Variants in DENND1B observed in about 807,000 individuals in gnomAD.
DENND1B encodes DENN domain containing 1B.
A neutral mutation model predicts 90.1 loss-of-function variants in DENND1B; 59 were observed. The ratio of observed to expected loss-of-function variants is 0.65; its 90% CI spans 0.53 to 0.81. The LOEUF (loss-of-function observed/expected upper bound fraction) is 0.81. Among genes scored for constraint, DENND1B ranks in the 40% least tolerant of loss-of-function variants. DENND1B has a pLI of 0.00. For synonymous variants in DENND1B, 337 were observed against 324.6 expected, an observed-to-expected ratio of 1.04 and a Z score of -0.41; for missense variants, 862 against 912.6, an observed-to-expected ratio of 0.94 and a Z score of 0.71.
chr1:197,606,063 T>A (rs1676650174), intron 13 of DENND1B: 1 of 151,184 alleles, frequency 6.6e-6, no homozygotes, highest in Non-Finnish European at 1.5e-5. Flanking sequence ...ATAAATGCTT[T>A]GTTTTTTTAA....
intron 3 of DENND1B, among the ~76,000 whole-genome samples, chr1:197,676,997 G>T (rs1656148016): frequency 1.3e-5 from 2 of 151,596 alleles, no homozygotes; most frequent in African/African-American, 4.9e-5. Flanking sequence ...ATTTAAGAAA[G>T]AATTTACTTC....
chr1:197,504,856 G>A lies in DENND1B; in HGVS notation c.*5604C>T, dbSNP rs765661863. 6.6e-6 allele frequency: 1 copy of A among 151,648 alleles called. No individual in the cohort carries two copies. The highest frequency in any genetic ancestry group is 1.5e-5 in the Non-Finnish European group (1 of 67,814). The allele number at this position is 151,648 out of a possible 1,614,324, so 9.4% of individuals were successfully genotyped here. A position where few individuals can be genotyped will look rare whatever the true frequency, so the allele number is the denominator to read the frequency against. ...ATATTTTTAAAAAAATTCCCAAAGC[G>A]ATGCTTTTATACACATCTTCCCAAT... On this transcript the variant is annotated 3_prime_UTR_variant, in exon 23 of 23. Transcript: ENST00000620048.
chr1:197,521,614 G>A (rs1211159838), intron 20 of DENND1B, among the ~76,000 whole-genome samples: 1 of 151,424 alleles, frequency 6.6e-6, no homozygotes, highest in Non-Finnish European at 1.5e-5. Flanking sequence ...TGCAGCCTAA[G>A]AAAAAAATAC....
intron 10 of DENND1B, among the ~76,000 whole-genome samples, chr1:197,633,416 C>T (rs1393811957): frequency 2.0e-5 from 3 of 152,122 alleles, no homozygotes; most frequent in Non-Finnish European, 4.4e-5. Flanking sequence ...TTCCTTTTAG[C>T]AACTGGCATG....
chr1:197,751,770 G>C (rs1653549472), intron 2 of DENND1B, among the ~76,000 whole-genome samples: 1 of 151,902 alleles, frequency 6.6e-6, no homozygotes. Context: ...CTTGAACCCA[G>C]GAGGCGGAGG....
chr1:197,669,420 C>G (rs963394293), intron 5 of DENND1B, among the ~76,000 whole-genome samples: 1 of 152,044 alleles, frequency 6.6e-6, no homozygotes, highest in South Asian at 2.1e-4. Flanking sequence ...AATTCCTTTC[C>G]AGGGGATACA....
In DENND1B at chr1:197,633,222, T is replaced by G. The variant is rs181155582; in HGVS notation, c.672+9489A>C. 8.4e-3 allele frequency among the ~76,000 whole-genome samples: 1,278 copies of G among 152,274 alleles called. 19 individuals carry two copies. The highest frequency in any genetic ancestry group is 0.028 in the African/African-American group (1,174 of 41,546). On this transcript the variant is annotated intron_variant, in intron 10 of 22. Transcript: ENST00000620048. ...ACATTTGTAAAAAATGATAGTTGTA[T>G]GTTATTAGGTAGAAATATAGATTTG...
intron 3 of DENND1B, among the ~76,000 whole-genome samples, chr1:197,693,627 C>T (rs1425872021): frequency 6.6e-6 from 1 of 151,602 alleles, no homozygotes; most frequent in East Asian, 1.9e-4. Flanking sequence ...TCTTAATATA[C>T]AAATGCATTC....
chr1:197,568,698 C>T lies in DENND1B; in HGVS notation c.1149+14454G>A, dbSNP rs568640050. Among the ~76,000 whole-genome samples the T allele has an allele frequency of 1.6e-4, 24 of 152,170 alleles. No homozygotes were observed. The South Asian group carries it at 4.6e-3, about 29-fold the overall frequency. On this transcript the variant is annotated intron_variant, in intron 15 of 22. Coordinates refer to ENST00000620048, the MANE Select transcript of DENND1B (RefSeq NM_001195215.2). The stretch of plus-strand genomic sequence containing the variant: ...TAGAAAACCCAAAAATAAATCCATA[C>T]ATTTCCCATCAACTGATCTTCAACT...
At chr1:197,731,739 G>C (rs1306474798) in intron 2 of DENND1B, among the ~76,000 whole-genome samples, 2 of 152,172 alleles carry the variant, frequency 1.3e-5, no homozygotes, top group Non-Finnish European at 2.9e-5. Flanking sequence ...AATGCTGTAA[G>C]AAAGTTTATG....
intron 3 of DENND1B, 119 bp from the exon 4 acceptor site, chr1:197,674,288 A>G: frequency 1.4e-6 from 1 of 699,348 alleles, no homozygotes; most frequent in Non-Finnish European, 2.4e-6. Flanking sequence ...CTTAAGAAAA[A>G]TAGCACAGGT....
chr1:197,777,972 G>T (rs1015957063), upstream of DENND1B, among the ~76,000 whole-genome samples: 5 of 152,172 alleles, frequency 3.3e-5, no homozygotes, highest in South Asian at 4.2e-4. Flanking sequence ...GCATCTGCTT[G>T]ACATAATTCA....
chr1:197,646,552 C>G (rs984074768), intron 8 of DENND1B, among the ~76,000 whole-genome samples: 19 of 151,642 alleles, frequency 1.3e-4, no homozygotes, highest in Non-Finnish European at 1.8e-4. Flanking sequence ...TATTTAATAT[C>G]TGAATCACAT....
intron 15 of DENND1B, among the ~76,000 whole-genome samples, chr1:197,576,613 T>C (rs1401876044): frequency 1.3e-5 from 2 of 152,352 alleles, no homozygotes; most frequent in East Asian, 1.9e-4. Context: ...ATGTACAACA[T>C]GTATAAATGT....
At chr1:197,627,897 C>T (rs180858712) in intron 10 of DENND1B, among the ~76,000 whole-genome samples, 56 of 150,836 alleles carry the variant, frequency 3.7e-4, no homozygotes, top group East Asian at 3.2e-3. Flanking sequence ...AGACAGACAG[C>T]GAAATCATGA....
chr1:197,626,767 T>G (rs1216502452), intron 10 of DENND1B, among the ~76,000 whole-genome samples: 3 of 151,334 alleles, frequency 2.0e-5, no homozygotes, highest in Non-Finnish European at 4.4e-5. Flanking sequence ...ATCAACAAAA[T>G]TGATAGACCG....
chr1:197,571,300 A>C (rs1673132404), intron 15 of DENND1B, among the ~76,000 whole-genome samples: 1 of 152,150 alleles, frequency 6.6e-6, no homozygotes, highest in African/African-American at 2.4e-5. Flanking sequence ...TAAAAGGTAA[A>C]CTCCTTATGC....
chr1:197,773,307 T>G (rs984980245), intron 1 of DENND1B, among the ~76,000 whole-genome samples: 3 of 152,214 alleles, frequency 2.0e-5, no homozygotes, highest in Non-Finnish European at 4.4e-5. Flanking sequence ...TTGGATCAAA[T>G]TTAAAAGCCA....
chr1:197,601,894 C>G (rs763440075), intron 13 of DENND1B, among the ~76,000 whole-genome samples: 5 of 151,476 alleles, frequency 3.3e-5, no homozygotes, highest in African/African-American at 7.3e-5. Context: ...ACCAAGAAAA[C>G]AGTTGGGAGA....
Sources: allele counts gnomAD v4.1 joint callset (sites outside exome capture counted in the v4.1 genomes callset), GRCh38; gene constraint gnomAD v4.1.1; transcripts MANE v1.5; gene names NCBI Gene and HGNC (gene_info 2026-07-23, HGNC 2026-07-21).